AEBP2: variants seen among roughly 807,000 people sequenced by gnomAD.
AEBP2 encodes AE binding protein 2, also known as zinc finger protein AEBP2.
In AEBP2, 10 loss-of-function variants were observed where a neutral mutation model predicts 50.8. That is an observed-to-expected ratio of 0.20 (90% CI 0.12 to 0.33). The LOEUF (loss-of-function observed/expected upper bound fraction) is 0.33, where lower values mean the gene tolerates loss of function less well. Among genes scored for constraint, AEBP2 ranks in the 10% least tolerant of loss-of-function variants. The probability of loss-of-function intolerance (pLI) is 1.00; values close to 1 mark genes in which losing one functional copy is unlikely to be tolerated. For missense variants in AEBP2, 570 were observed against 688.0 expected (o/e 0.83, Z 1.92); for synonymous variants, 296 against 261.3 (o/e 1.13, Z -1.28).
chr12:19,516,045 A>G (rs1949312714), intron 7 of AEBP2, among the ~76,000 whole-genome samples: 1 of 152,182 alleles, frequency 6.6e-6, no homozygotes, highest in Admixed American at 6.5e-5. Flanking sequence ...GGATTACACC[A>G]CTGCACTCCA....
intron 2 of AEBP2, 112 bp downstream of exon 2, chr12:19,462,829 C>A: frequency 3.1e-6 from 3 of 977,586 alleles, no homozygotes; most frequent in Non-Finnish European, 4.4e-6. Flanking sequence ...TTTACACAGG[C>A]TTAGTTTTTT....
At position 19,519,776 on chromosome 12, in the gene AEBP2, A is replaced by G. The variant is rs1211380833; in HGVS notation, c.*1659A>G. On this transcript the variant is annotated 3_prime_UTR_variant, in exon 8 of 8. Transcript: ENST00000266508. ...CTTTAAAAAATTTAAAAGTGTAAAA[A>G]TTATGAGAGACTTTATTCGTTAACA... 6.6e-6 allele frequency: 1 copy of G among 152,584 alleles called. No homozygotes were observed. The highest frequency in any genetic ancestry group is 1.5e-5 in the Non-Finnish European group (1 of 67,984). 9.5% of individuals were successfully genotyped at this position (152,584 alleles called of 1,614,324 possible).
chr12:19,511,328 T>C (rs545624899), intron 5 of AEBP2, among the ~76,000 whole-genome samples: 1 of 152,190 alleles, frequency 6.6e-6, no homozygotes, highest in Non-Finnish European at 1.5e-5. Context: ...GAGTTGGTTG[T>C]TCCATTAAGT....
chr12:19,478,076 C>T (rs1186503938), intron 3 of AEBP2, among the ~76,000 whole-genome samples: 1 of 152,110 alleles, frequency 6.6e-6, no homozygotes, highest in Non-Finnish European at 1.5e-5. Flanking sequence ...TATCGTTCTT[C>T]TTTTCTTGGT....
Position 19,440,294 on chromosome 12 carries a change from A to C in AEBP2, c.595A>C (p.Thr199Pro). 2.8e-6 allele frequency: 4 copies of C among 1,452,008 alleles called. No individual in the cohort carries two copies. Among genetic ancestry groups the C allele is most frequent in the South Asian group, 2.9e-5 (2 of 68,366 alleles). 89.9% of individuals were successfully genotyped at this position (1,452,008 alleles called of 1,614,324 possible). ...GACTGGGGGAGGCGGAAGCAGCGCG[A>C]CCTCCGGGGGCCGGCGGGGCAGCTT... Reference protein sequence around the residue: ...YGTGGGGSSATSGGRRGSLEM... With the variant: ...YGTGGGGSSAPSGGRRGSLEM... The change falls in exon 1 of 8, where the codon ACC becomes CCC. Residue 199 changes from threonine to proline, a missense_variant. Coordinates refer to ENST00000266508, the MANE Select transcript of AEBP2 (RefSeq NM_153207.5).
At chr12:19,500,688 C>CAG (rs1279384221) in intron 5 of AEBP2, among the ~76,000 whole-genome samples, 1 of 152,166 alleles carries the variant, frequency 6.6e-6, no homozygotes, top group Non-Finnish European at 1.5e-5. Flanking sequence ...TATTTGCTAT[C>CAG]AGAGCTTCAT....
In AEBP2 at chr12:19,474,467, GTC is replaced by G. The variant is rs1238419729; in HGVS notation, c.987+1120_987+1121del. Among the ~76,000 whole-genome samples the G allele has an allele frequency of 2.0e-5, 3 of 152,008 alleles. No individual in the cohort carries two copies. In the South Asian group the frequency reaches 6.2e-4, roughly 32 times the overall value. ...CAAAGGTTTACACTAAGAATTATTT[GTC>G]TCTCTCTTTTTCCTGTTTCCCCCCT... On this transcript the variant is annotated intron_variant, in intron 3 of 7. Transcript: ENST00000266508.
At chr12:19,511,742 G>A (rs769015009) in intron 5 of AEBP2, among the ~76,000 whole-genome samples, 7 of 152,048 alleles carry the variant, frequency 4.6e-5, no homozygotes, top group African/African-American at 2.4e-5. Context: ...TGAAGTGCTC[G>A]AAGGTGTTCA....
At chr12:19,503,448 AT>A (rs1011044330) in intron 5 of AEBP2, among the ~76,000 whole-genome samples, 2 of 151,740 alleles carry the variant, frequency 1.3e-5, no homozygotes, top group African/African-American at 4.8e-5. Flanking sequence ...TTGTACATTG[AT>A]TTTTTTTGTA....
At chr12:19,488,949 C>T (rs1335149926) in intron 3 of AEBP2, among the ~76,000 whole-genome samples, 3 of 152,040 alleles carry the variant, frequency 2.0e-5, no homozygotes, top group Non-Finnish European at 2.9e-5. Context: ...CTACCACGCC[C>T]GGCTAATTTT....
At chr12:19,501,145 C>T (rs1249118967) in intron 5 of AEBP2, among the ~76,000 whole-genome samples, 3 of 151,970 alleles carry the variant, frequency 2.0e-5, no homozygotes, top group Non-Finnish European at 2.9e-5. Context: ...GCCTGGCCAA[C>T]GTGGCAAAAC....
chr12:19,513,805 A>G (rs1019730850), intron 6 of AEBP2, among the ~76,000 whole-genome samples: 6 of 152,020 alleles, frequency 3.9e-5, no homozygotes, highest in African/African-American at 7.2e-5. Flanking sequence ...ATGTTTTGGA[A>G]ATTGATTAAT....
rs1200119317 is a variant in AEBP2, at chr12:19,519,842, A to C, written c.*1725A>C. 1.3e-5 allele frequency: 2 copies of C among 152,374 alleles called. No individual in the cohort carries two copies. The highest frequency in any genetic ancestry group is 4.8e-5 in the African/African-American group (2 of 41,464). The allele number at this position is 152,374 out of a possible 1,614,324, so 9.4% of individuals were successfully genotyped here. On this transcript the variant is annotated 3_prime_UTR_variant, in exon 8 of 8. Coordinates refer to ENST00000266508, the MANE Select transcript of AEBP2 (RefSeq NM_153207.5). ...TATATACATGAAAATGAGTCTTATA[A>C]AATTAAGTGAAGTGCAAATAAAAGC...
intron 1 of AEBP2, among the ~76,000 whole-genome samples, chr12:19,450,880 A>T (rs1003907916): frequency 3.3e-4 from 49 of 150,378 alleles, no homozygotes; most frequent in African/African-American, 1.2e-3. Context: ...TAGTTGCACT[A>T]AAGGAGTATT....
intron 2 of AEBP2, 24 bp from the exon 3 acceptor site, chr12:19,473,224 A>G (rs1383499770): frequency 4.1e-6 from 5 of 1,214,954 alleles, no homozygotes; most frequent in Admixed American, 3.1e-5. Context: ...ATGAAAATTA[A>G]TATGGTTCTG....
chr12:19,431,328 A>T (rs1163927145), intron 1 of AEBP2, among the ~76,000 whole-genome samples: 2 of 152,212 alleles, frequency 1.3e-5, no homozygotes, highest in Non-Finnish European at 2.9e-5. Context: ...TGATGGATAA[A>T]GTACTAACTG....
At chr12:19,503,371 A>G (rs755241326) in intron 5 of AEBP2, among the ~76,000 whole-genome samples, 2 of 151,552 alleles carry the variant, frequency 1.3e-5, no homozygotes, top group Non-Finnish European at 2.9e-5. Flanking sequence ...GTTATGGTGA[A>G]TGGAATTGCA....
chr12:19,455,676 ATAAAATCATACAGTTGATCGCTC>A (rs1948257548), intron 1 of AEBP2, among the ~76,000 whole-genome samples: 1 of 152,306 alleles, frequency 6.6e-6, no homozygotes, highest in Non-Finnish European at 1.5e-5. Flanking sequence ...AACCATTTTT[ATAAAATCATACAGTTGATCGCTC>A]TAGCTGTTGG....
At chr12:19,456,656 A>G (rs908479434) in intron 1 of AEBP2, 13 of 1,537,172 alleles carry the variant, frequency 8.5e-6, no homozygotes, top group Admixed American at 1.7e-5. Context: ...TGCTGTCACC[A>G]GCATCATTGC....
Sources: allele counts gnomAD v4.1 joint callset (sites outside exome capture counted in the v4.1 genomes callset), GRCh38; gene constraint gnomAD v4.1.1; transcripts MANE v1.5; gene names NCBI Gene and HGNC (gene_info 2026-07-23, HGNC 2026-07-21).